Variants in CHAF1B observed in about 807,000 individuals in gnomAD.
The protein encoded by CHAF1B is CAF-1 subunit B.
CHAF1B carries 10 observed loss-of-function variants against 60.7 expected under a neutral mutation model. The observed-to-expected ratio is 0.16, with a 90% CI of 0.10 to 0.28. The LOEUF (loss-of-function observed/expected upper bound fraction) is 0.28, where lower values mean the gene tolerates loss of function less well. CHAF1B is among the 10% of genes least tolerant of loss of function. The pLI is 1.00. For missense variants in CHAF1B, 558 were observed against 708.4 expected, an observed-to-expected ratio of 0.79 and a Z score of 2.41; for synonymous variants, 261 against 266.1, an observed-to-expected ratio of 0.98 and a Z score of 0.19.
chr21:36,401,788 T>TGGA, intron 7 of CHAF1B, among the ~76,000 whole-genome samples: 1 of 151,622 alleles, frequency 6.6e-6, no homozygotes, highest in South Asian at 2.1e-4. Flanking sequence ...TCACCCAGGC[T>TGGA]GGAGTGCAGT....
At chr21:36,411,761 C>T (rs531561807) in intron 11 of CHAF1B, among the ~76,000 whole-genome samples, 157 bp downstream of exon 11, 1 of 152,252 alleles carries the variant, frequency 6.6e-6, no homozygotes, top group Admixed American at 6.5e-5. Context: ...CCAAGTATCA[C>T]TCTGTCACCC....
Position 36,417,094 on chromosome 21 carries a change from C to T in CHAF1B, c.*728C>T, listed in dbSNP as rs2086325184. On this transcript the variant is annotated 3_prime_UTR_variant, in exon 14 of 14. Coordinates refer to ENST00000314103, the MANE Select transcript of CHAF1B (RefSeq NM_005441.3). ...AAAGTATCTTTTTTGTTTTTTGAGA[C>T]AGGGTCTTGCTCTGTTGCCCAGGCT... The T allele has an allele frequency of 6.6e-6, 1 of 151,978 alleles. No individual in the cohort carries two copies. The highest frequency in any genetic ancestry group is 1.5e-5 in the Non-Finnish European group (1 of 68,010). The allele number at this position is 151,978 out of a possible 1,614,324, so 9.4% of individuals were successfully genotyped here. A position where few individuals can be genotyped will look rare whatever the true frequency, so the allele number is the denominator to read the frequency against.
chr21:36,415,880 G>A (rs1458169793), intron 13 of CHAF1B: 1 of 342,880 alleles, frequency 2.9e-6, no homozygotes, highest in Non-Finnish European at 5.6e-6. Flanking sequence ...GGCCTCCCGA[G>A]TAGCCGGGAC....
At chr21:36,391,338 G>T (rs960544349) in intron 3 of CHAF1B, among the ~76,000 whole-genome samples, 10 of 151,956 alleles carry the variant, frequency 6.6e-5, no homozygotes, top group Non-Finnish European at 1.2e-4. Flanking sequence ...ATCCTGACAT[G>T]CAGCTAATTT....
intron 1 of CHAF1B, among the ~76,000 whole-genome samples, chr21:36,385,701 C>T (rs888284753): frequency 5.3e-5 from 8 of 151,956 alleles, no homozygotes; most frequent in South Asian, 2.1e-4. Flanking sequence ...GCCCCGGTCC[C>T]CTACCCCGTT....
chr21:36,403,012 G>C (rs773796299), intron 8 of CHAF1B, among the ~76,000 whole-genome samples, 161 bp downstream of exon 8: 6 of 152,154 alleles, frequency 3.9e-5, no homozygotes, highest in Middle Eastern at 3.2e-3. Flanking sequence ...AAAACACATT[G>C]GTGCCTATGT....
chr21:36,399,968 C>T (rs1601562397), intron 7 of CHAF1B, among the ~76,000 whole-genome samples: 1 of 152,308 alleles, frequency 6.6e-6, no homozygotes, highest in Middle Eastern at 3.4e-3. Context: ...CACTTGAGGT[C>T]AGGAGTTTGA....
chr21:36,397,312 G>A (rs2086148552), intron 5 of CHAF1B, 103 bp from the exon 6 acceptor site: 1 of 472,820 alleles, frequency 2.1e-6, no homozygotes, highest in Non-Finnish European at 3.7e-6. Flanking sequence ...GCTGAGTGAT[G>A]CGTGGTAAAG....
At chr21:36,394,155 C>A (rs571727351) in intron 4 of CHAF1B, among the ~76,000 whole-genome samples, 3 of 151,774 alleles carry the variant, frequency 2.0e-5, no homozygotes, top group Non-Finnish European at 4.4e-5. Context: ...TGGCTCACTG[C>A]AATCTCTGCC....
intron 8 of CHAF1B, among the ~76,000 whole-genome samples, chr21:36,408,113 A>G (rs1032740580): frequency 6.6e-6 from 1 of 152,234 alleles, no homozygotes. Flanking sequence ...ATATGTATCA[A>G]GAAATAGCAT....
intron 3 of CHAF1B, 134 bp downstream of exon 3, chr21:36,387,864 G>C (rs1357079072): frequency 1.7e-5 from 19 of 1,137,324 alleles, no homozygotes; most frequent in Non-Finnish European, 2.0e-5. Context: ...TGTTCCCCAG[G>C]CTGGAGTGCA....
intron 3 of CHAF1B, among the ~76,000 whole-genome samples, chr21:36,389,797 G>GTT (rs1208273494): frequency 2.9e-5 from 4 of 136,660 alleles, no homozygotes; most frequent in African/African-American, 1.3e-4. Flanking sequence ...GTGTGTGTGT[G>GTT]TGTGCGCGCG....
At chr21:36,408,211 T>A (rs919190628) in intron 8 of CHAF1B, among the ~76,000 whole-genome samples, 1 of 152,036 alleles carries the variant, frequency 6.6e-6, no homozygotes, top group Non-Finnish European at 1.5e-5. Context: ...GGGGTGAGTG[T>A]AGAAGAGCTC....
intron 6 of CHAF1B, among the ~76,000 whole-genome samples, chr21:36,398,850 T>G (rs1396108248): frequency 6.6e-6 from 1 of 152,170 alleles, no homozygotes; most frequent in Non-Finnish European, 1.5e-5. Flanking sequence ...TCTGACTACT[T>G]TTAAATAAAA....
chr21:36,406,153 G>C (rs751743263), intron 8 of CHAF1B, among the ~76,000 whole-genome samples: 1 of 151,852 alleles, frequency 6.6e-6, no homozygotes, highest in African/African-American at 2.4e-5. Flanking sequence ...CTGTTCCAGT[G>C]GAAAAAAATC....
chr21:36,412,054 CA>C (rs2086282056), intron 11 of CHAF1B, among the ~76,000 whole-genome samples: 1 of 152,158 alleles, frequency 6.6e-6, no homozygotes, highest in African/African-American at 2.4e-5. Flanking sequence ...AAGGAATCAA[CA>C]TTAAAAGGAA....
At chr21:36,414,398 C>T (rs537419667) in intron 12 of CHAF1B, among the ~76,000 whole-genome samples, 2 of 152,214 alleles carry the variant, frequency 1.3e-5, no homozygotes, top group African/African-American at 2.4e-5. Flanking sequence ...CTTTAACGCC[C>T]TCTTAAAATC....
intron 4 of CHAF1B, among the ~76,000 whole-genome samples, chr21:36,392,013 G>A (rs1191783186): frequency 6.8e-6 from 1 of 146,486 alleles, no homozygotes; most frequent in Non-Finnish European, 1.5e-5. Context: ...GTGGAGGGAA[G>A]GTCAGCAGAT....
chr21:36,414,107 C>G (rs1367083152), intron 12 of CHAF1B, among the ~76,000 whole-genome samples: 1 of 152,232 alleles, frequency 6.6e-6, no homozygotes, highest in Non-Finnish European at 1.5e-5. Context: ...TACAGAGCCA[C>G]TTAGCACATC....
Sources: gnomAD v4.1 joint callset for allele counts (sites outside exome capture counted in the v4.1 genomes callset) on GRCh38, gnomAD v4.1.1 for gene constraint, MANE v1.5 for transcripts, NCBI Gene and HGNC (gene_info 2026-07-23, HGNC 2026-07-21) for gene names.